The following FUBP1 variants were observed in gnomAD, a reference collection of about 807,000 sequenced individuals.
The protein encoded by FUBP1 is far upstream element-binding protein 1.
Under a neutral mutation model 94.9 loss-of-function variants are expected in FUBP1, and 16 were observed. The ratio of observed to expected loss-of-function variants is 0.17; its 90% confidence interval spans 0.11 to 0.26. FUBP1 has a LOEUF of 0.26. FUBP1 is among the 10% of genes least tolerant of loss of function. FUBP1 has a pLI of 1.00. For synonymous variants in FUBP1, 279 were observed against 254.9 expected (o/e 1.09, Z -0.90); for missense variants, 583 against 808.6 (o/e 0.72, Z 3.38).
intron 18 of FUBP1, among the ~76,000 whole-genome samples, chr1:77,953,548 A>G (rs1474732921): frequency 3.3e-5 from 5 of 152,168 alleles, no homozygotes; most frequent in African/African-American, 1.2e-4. Context: ...ACAACAACAG[A>G]AAAGGTGGGG....
rs770629781 is a variant in FUBP1 at position 77,960,193 on chromosome 1, G to A, written c.1567C>T (p.Pro523Ser). ...AATAAGCATCTTCTACCTGGATCAG[G>A]AGGAGCCTGCTGCTGCCAGTGTGGA... ...AYPHWQQQAP[P>S]DPAKAGTDPN... The change falls in exon 16 of 20, where the codon CCT (proline) becomes TCT (serine). Residue 523 changes from proline to serine, a missense_variant. Transcript: ENST00000370768. 3 of 1,607,212 alleles carry A rather than the reference G, an allele frequency of 1.9e-6. No individual in the cohort carries two copies.
At position 77,955,443 on chromosome 1, in the gene FUBP1, G is replaced by A. The variant is rs532468875; in HGVS notation, c.1706-114C>T. 22 of 671,566 alleles carry A rather than the reference G, an allele frequency of 3.3e-5. No homozygotes were observed. The African/African-American group carries it at 3.4e-4, about 10-fold the overall frequency. 41.6% of individuals were successfully genotyped at this position (671,566 alleles called of 1,614,324 possible). On this transcript the variant is annotated intron_variant, in intron 17 of 19. Coordinates refer to ENST00000370768, the MANE Select transcript of FUBP1 (RefSeq NM_003902.5). ...GCCTGCAATGTGACAGTGAGGGTAG[G>A]AGGGAAGTACTATGTGGTGGTGGCA...
rs79975413 is a variant in FUBP1 at position 77,956,398 on chromosome 1, T to C, written c.1705+174A>G. On this transcript the variant is annotated intron_variant, in intron 17 of 19. Transcript: ENST00000370768. ...ATCTGGGTGCTCCGGGTATTCTTCT[T>C]ACAACTTTTATGAAAGTTTGAAACT... Among the ~76,000 whole-genome samples, 935 of 152,332 alleles carry C rather than the reference T, an allele frequency of 6.1e-3. 10 individuals are homozygous for C. Among genetic ancestry groups the C allele is most frequent in the African/African-American group, 0.021 (879 of 41,572 alleles).
chr1:77,960,896 C>T (rs964022568), intron 14 of FUBP1: 26 of 166,218 alleles, frequency 1.6e-4, no homozygotes, highest in African/African-American at 7.2e-5. Flanking sequence ...ATGAGACAAC[C>T]GTCTTGACAA....
At chr1:77,975,178 T>C (rs2102513011) in intron 1 of FUBP1, among the ~76,000 whole-genome samples, 1 of 152,364 alleles carries the variant, frequency 6.6e-6, no homozygotes, top group East Asian at 1.9e-4. Context: ...GTCTGACTTG[T>C]ACTGTAATTC....
chr1:77,960,085 G>A (rs557384089), intron 16 of FUBP1, 99 bp downstream of exon 16: 53 of 820,134 alleles, frequency 6.5e-5, no homozygotes, highest in Non-Finnish European at 1.1e-4. Flanking sequence ...AGTGAGTGAA[G>A]GTGATGCATA....
chr1:77,960,632 T>A, intron 14 of FUBP1, 137 bp from the exon 15 acceptor site: 1 of 632,976 alleles, frequency 1.6e-6, no homozygotes, highest in Non-Finnish European at 2.6e-6. Context: ...CTTTCCTCAT[T>A]CATTTTGCAA....
rs576449313 is a variant in FUBP1, at chr1:77,964,186, A to G, written c.941-24T>C. On this transcript the variant is annotated intron_variant, in intron 11 of 19. Coordinates refer to ENST00000370768, the MANE Select transcript of FUBP1 (RefSeq NM_003902.5). ...ATCTTCAAAACAAAGAAACAAAATT[A>G]ATTAAACAATAAATGTATGTCAAAA... 1.6e-5 allele frequency: 25 copies of G among 1,559,116 alleles called. 1 individual carries two copies. The South Asian group carries it at 2.2e-4, about 14-fold the overall frequency.
chr1:77,957,628 T>C (rs771319199), intron 16 of FUBP1, among the ~76,000 whole-genome samples: 11 of 152,292 alleles, frequency 7.2e-5, no homozygotes, highest in East Asian at 1.9e-4. Flanking sequence ...TTCTGAACAG[T>C]AGCAATTCTC....
chr1:77,959,889 G>C (rs1655143602), intron 16 of FUBP1, among the ~76,000 whole-genome samples: 1 of 152,282 alleles, frequency 6.6e-6, no homozygotes, highest in South Asian at 2.1e-4. Flanking sequence ...CTACACATTT[G>C]ACAGCACTGG....
intron 1 of FUBP1, among the ~76,000 whole-genome samples, chr1:77,970,944 G>T (rs1188760413): frequency 6.6e-6 from 1 of 152,062 alleles, no homozygotes; most frequent in Non-Finnish European, 1.5e-5. Flanking sequence ...TCGGGAGGCT[G>T]AGGCACGAGA....
In FUBP1 at chr1:77,964,756, G is replaced by GA. The variant is rs1367119877; in HGVS notation, c.736-10dup. On this transcript the variant is annotated splice_polypyrimidine_tract_variant and intron_variant, in intron 9 of 19. Coordinates refer to ENST00000370768, the MANE Select transcript of FUBP1 (RefSeq NM_003902.5). ...ACCATTTCCTTGGCTTGCTAAAGCA[G>GA]AAAAAGTTAGCTAATTTAGAAAGCA... The GA allele has an allele frequency of 2.5e-6, 4 of 1,594,704 alleles. No individual in the cohort carries two copies. In the Admixed American group the frequency reaches 6.7e-5, roughly 27 times the overall value.
intron 1 of FUBP1, among the ~76,000 whole-genome samples, chr1:77,978,578 C>G (rs1029492094): frequency 1.3e-5 from 2 of 152,210 alleles, no homozygotes; most frequent in African/African-American, 4.8e-5. Flanking sequence ...GCGCTTTATC[C>G]CCTGGAAGAG....
intron 1 of FUBP1, among the ~76,000 whole-genome samples, chr1:77,973,644 CTT>C (rs1167269173): frequency 6.6e-6 from 1 of 152,204 alleles, no homozygotes; most frequent in African/African-American, 2.4e-5. Context: ...GTTTTCACTA[CTT>C]TAACATTTCT....
chr1:77,946,672 A>G lies in FUBP1; in HGVS notation c.*2094T>C, dbSNP rs1652220440. ...CAGCCTCCAATTTGTGAATTATGAT[A>G]CTGAATTCAACTGAACTACTTCTTC... On this transcript the variant is annotated 3_prime_UTR_variant, in exon 20 of 20. Transcript: ENST00000370768. 1 of 204,186 alleles carries G rather than the reference A, an allele frequency of 4.9e-6. No individual in the cohort carries two copies. The highest frequency in any genetic ancestry group is 2.3e-5 in the African/African-American group (1 of 43,776). The allele number at this position is 204,186 out of a possible 1,614,324, so 12.6% of individuals were successfully genotyped here. A position where few individuals can be genotyped will look rare whatever the true frequency, so the allele number is the denominator to read the frequency against.
intron 1 of FUBP1, 54 bp downstream of exon 1, chr1:77,978,831 T>C (rs1326018012): frequency 6.2e-7 from 1 of 1,608,618 alleles, no homozygotes; most frequent in African/African-American, 1.3e-5. Flanking sequence ...GCCTACTCAG[T>C]CAGCGGCCAA....
chr1:77,966,379 T>C (rs900979581), intron 7 of FUBP1, among the ~76,000 whole-genome samples: 9 of 152,154 alleles, frequency 5.9e-5, no homozygotes, highest in African/African-American at 2.2e-4. Context: ...ACAGTCCACT[T>C]GAGCTTAATG....
At chr1:77,948,918 G>A in intron 19 of FUBP1, 144 bp from the exon 20 acceptor site, 1 of 1,155,242 alleles carries the variant, frequency 8.7e-7, no homozygotes, top group Non-Finnish European at 1.3e-6. Flanking sequence ...CAAATCCCTG[G>A]GGGAAGAAAA....
At position 77,965,069 on chromosome 1, in the gene FUBP1, C is replaced by A; in HGVS notation, c.636G>T (p.Gln212His). ...GKGGETIKQLQERAGVKMVMI... is the reference protein window; with the variant it reads ...GKGGETIKQLHERAGVKMVMI... Reference sequence around the variant, plus strand: ...AGCCATTTCACAAAAATAACAATACCTGAAGCTGTTTAATAGTTTCTCCCC... The same window carrying A: ...AGCCATTTCACAAAAATAACAATACATGAAGCTGTTTAATAGTTTCTCCCC... Residue 212 changes from glutamine (Q) to histidine (H), a missense_variant and splice_region_variant, in exon 8 of 20, where the codon CAG (glutamine) becomes CAT (histidine). Gln to His is a conservative substitution (Grantham distance 24). Transcript: ENST00000370768. 2 of 1,610,820 alleles carry A rather than the reference C, an allele frequency of 1.2e-6. No homozygotes were observed. Among genetic ancestry groups the A allele is most frequent in the Non-Finnish European group, 1.7e-6 (2 of 1,177,338 alleles).
Sources: gnomAD v4.1 joint callset for allele counts (sites outside exome capture counted in the v4.1 genomes callset) on GRCh38, gnomAD v4.1.1 for gene constraint, MANE v1.5 for transcripts, NCBI Gene and HGNC (gene_info 2026-07-23, HGNC 2026-07-21) for gene names.